The following ACADS variants were observed in gnomAD, a reference collection of about 807,000 sequenced individuals.
ACADS encodes short-chain specific acyl-CoA dehydrogenase, mitochondrial.
In ACADS, 28 loss-of-function variants were observed where a neutral mutation model predicts 46.8. The observed-to-expected ratio is 0.60, with a 90% CI of 0.44 to 0.82. ACADS has a LOEUF of 0.82. Among genes scored for constraint, ACADS ranks in the 40% least tolerant of loss-of-function variants. ACADS has a pLI of 0.00. For missense variants in ACADS, 528 were observed against 578.0 expected (o/e 0.91, Z 0.89); for synonymous variants, 236 against 237.7 (o/e 0.99, Z 0.07).
chr12:120,730,168 A>G (rs555945457), intron 2 of ACADS, among the ~76,000 whole-genome samples: 1 of 152,060 alleles, frequency 6.6e-6, no homozygotes, highest in Non-Finnish European at 1.5e-5. Context: ...TTTTTAGTAG[A>G]GACGGGGTTT....
chr12:120,738,406 G>C lies in ACADS; in HGVS notation c.751G>C (p.Asp251His), dbSNP rs763585205. The C allele has an allele frequency of 6.2e-7, 1 of 1,613,318 alleles. No individual in the cohort carries two copies. The highest frequency in any genetic ancestry group is 8.5e-7 in the Non-Finnish European group (1 of 1,180,036). The change falls in exon 6 of 10, where the codon GAC becomes CAC. Residue 251 changes from aspartate (D) to histidine (H), a missense_variant. By Grantham distance (81) the Asp-to-His change is moderately conservative. Transcript: ENST00000242592. ...LIFEDCRIPK[D>H]SILGEPGMGF... ...CTTTGAGGACTGTCGCATCCCCAAG[G>C]ACAGCATCCTGGGGGAGCCAGGGAT...
Position 120,738,928 on chromosome 12 carries a change from G to A in ACADS, c.1029+13G>A. ...GCCTTTCATCAAGGTGCCCACAGGGGTCCCCGAGCCATGGCCCAGAATGTG... is the reference window on the plus strand; with the variant it reads ...GCCTTTCATCAAGGTGCCCACAGGGATCCCCGAGCCATGGCCCAGAATGTG... On this transcript the variant is annotated intron_variant, in intron 8 of 9. Coordinates refer to ENST00000242592, the MANE Select transcript of ACADS (RefSeq NM_000017.4). The A allele has an allele frequency of 6.2e-7, 1 of 1,613,188 alleles. No homozygotes were observed. Among genetic ancestry groups the A allele is most frequent in the Non-Finnish European group, 8.5e-7 (1 of 1,179,928 alleles).
intron 2 of ACADS, among the ~76,000 whole-genome samples, chr12:120,732,116 T>G (rs1270930402): frequency 1.3e-5 from 2 of 152,244 alleles, no homozygotes; most frequent in Non-Finnish European, 2.9e-5. Context: ...AAAACTGCCA[T>G]CGTCATCATG....
rs1883464095 is a variant in ACADS at position 120,737,017 on chromosome 12, C to T, written c.242C>T (p.Ala81Val). 6.2e-6 allele frequency: 10 copies of T among 1,610,420 alleles called. No homozygotes were observed. The highest frequency in any genetic ancestry group is 1.3e-5 in the African/African-American group (1 of 74,906). ...VKKMGGLGLL[A>V]MDVPEELGGA... is the part of the protein sequence containing the mutation. ...AAGATGGGCGGGCTTGGGCTTCTGG[C>T]CATGGACGTGCCCGAGGAGCTTGGC... Residue 81 changes from alanine (A) to valine (V), a missense_variant, in exon 3 of 10, where the codon GCC (alanine) becomes GTC (valine). Transcript: ENST00000242592.
At chr12:120,734,552 C>T (rs1883365265) in intron 2 of ACADS, among the ~76,000 whole-genome samples, 2 of 152,140 alleles carry the variant, frequency 1.3e-5, no homozygotes, top group South Asian at 4.1e-4. Flanking sequence ...CAGAGGGACA[C>T]ACAGGTTGTC....
At position 120,739,530 on chromosome 12, in the gene ACADS, G is replaced by A. The variant is rs1883592055; in HGVS notation, c.*82G>A. The A allele has an allele frequency of 3.3e-6, 5 of 1,527,406 alleles. No individual in the cohort carries two copies. The highest frequency in any genetic ancestry group is 3.8e-5 in the Admixed American group (2 of 52,142). 94.6% of individuals were successfully genotyped at this position (1,527,406 alleles called of 1,614,324 possible). A position where few individuals can be genotyped will look rare whatever the true frequency, so the allele number is the denominator to read the frequency against. Reference sequence around the variant, plus strand: ...CCCAACCCCGGCTCAGAGACTGGGCGGCCCGGCGGGGGCTCCCTGGGGACC... The same window carrying A: ...CCCAACCCCGGCTCAGAGACTGGGCAGCCCGGCGGGGGCTCCCTGGGGACC... On this transcript the variant is annotated 3_prime_UTR_variant, in exon 10 of 10. Transcript: ENST00000242592.
intron 7 of ACADS, 40 bp from the exon 8 acceptor site, chr12:120,738,780 G>T: frequency 6.2e-7 from 1 of 1,613,002 alleles, no homozygotes; most frequent in Non-Finnish European, 8.5e-7. Context: ...CCCCTGGAGG[G>T]GCAGCTGCTG....
intron 2 of ACADS, among the ~76,000 whole-genome samples, chr12:120,729,580 CT>C (rs1592934725): frequency 6.6e-6 from 1 of 152,110 alleles, no homozygotes; most frequent in Admixed American, 6.6e-5. Flanking sequence ...TCCTTTTTGA[CT>C]GTCTCGTCTC....
rs1411971032 is a variant in ACADS, at chr12:120,738,403, A to G, written c.748A>G (p.Lys250Glu). The G allele has an allele frequency of 1.2e-6, 2 of 1,613,442 alleles. No homozygotes were observed. The highest frequency in any genetic ancestry group is 1.7e-6 in the Non-Finnish European group (2 of 1,180,016). Residue 250 changes from lysine (K) to glutamate (E), a missense_variant, in exon 6 of 10, where the codon AAG becomes GAG. By Grantham distance (56) the Lys-to-Glu change is moderately conservative (BLOSUM62 1). Coordinates refer to ENST00000242592, the MANE Select transcript of ACADS (RefSeq NM_000017.4). ...NLIFEDCRIPKDSILGEPGMG... is the reference protein window; with the variant it reads ...NLIFEDCRIPEDSILGEPGMG... Reference sequence around the variant, plus strand: ...CATCTTTGAGGACTGTCGCATCCCCAAGGACAGCATCCTGGGGGAGCCAGG... The same window carrying G: ...CATCTTTGAGGACTGTCGCATCCCCGAGGACAGCATCCTGGGGGAGCCAGG...
In ACADS at chr12:120,739,592, C is replaced by A; in HGVS notation, c.*144C>A. On this transcript the variant is annotated 3_prime_UTR_variant, in exon 10 of 10. Coordinates refer to ENST00000242592, the MANE Select transcript of ACADS (RefSeq NM_000017.4). ...CAGTGCTGCCACCCAGATCAGATCA[C>A]ATGGGAATGAGGCCCTCCGACCATT... The A allele has an allele frequency of 2.1e-6, 2 of 940,206 alleles. No individual in the cohort carries two copies. Among genetic ancestry groups the A allele is most frequent in the Non-Finnish European group, 3.1e-6 (2 of 635,514 alleles). 58.2% of individuals were successfully genotyped at this position (940,206 alleles called of 1,614,324 possible).
intron 2 of ACADS, among the ~76,000 whole-genome samples, chr12:120,732,165 G>T (rs1003438442): frequency 1.3e-5 from 2 of 152,224 alleles, no homozygotes; most frequent in African/African-American, 4.8e-5. Context: ...CCTCCCAGAC[G>T]GGGTGGTGGC....
intron 2 of ACADS, among the ~76,000 whole-genome samples, chr12:120,733,148 T>G (rs934859022): frequency 6.6e-6 from 1 of 151,596 alleles, no homozygotes; most frequent in Non-Finnish European, 1.5e-5. Flanking sequence ...GGCAGGGAGG[T>G]TGCAGTGAGC....
chr12:120,738,891 G>A lies in ACADS; in HGVS notation c.1005G>A (p.Lys335=). Residue 335 remains lysine, a synonymous_variant, in exon 8 of 10, where the codon AAG becomes AAA. Transcript: ENST00000242592. The part of the protein sequence containing the change: ...RLLTWRAAML[K]DNKKPFIKEA... ...TGACCTGGCGCGCTGCCATGCTGAA[G>A]GATAACAAGAAGCCTTTCATCAAGG... The A allele has an allele frequency of 2.5e-6, 4 of 1,613,802 alleles. No homozygotes were observed. The highest frequency in any genetic ancestry group is 3.4e-6 in the Non-Finnish European group (4 of 1,180,030).
chr12:120,737,469 T>A lies in ACADS; in HGVS notation c.472+2T>A, dbSNP rs1592939822. 1 of 1,612,260 alleles carries A rather than the reference T, an allele frequency of 6.2e-7. No homozygotes were observed. The highest frequency in any genetic ancestry group is 8.5e-7 in the Non-Finnish European group (1 of 1,178,568). On this transcript the variant is annotated splice_donor_variant, in intron 4 of 9. Transcript: ENST00000242592. LOFTEE classifies it high-confidence loss of function. The stretch of plus-strand genomic sequence containing the variant: ...GCTGCTTTGCCCTCAGCGAACCAGG[T>A]ACCTGCCCTGTCCCCTCACCTGTCC...
In ACADS at chr12:120,725,881, C is replaced by A. The variant is rs1043195755; in HGVS notation, c.-5C>A. 8 of 1,550,386 alleles carry A rather than the reference C, an allele frequency of 5.2e-6. No individual in the cohort carries two copies. The African/African-American group carries it at 1.1e-4, about 21-fold the overall frequency. Reference sequence around the variant, plus strand: ...TCGCGAAGCCTGGGACTGTGTCTGTCGCCCATGGCCGCCGCGCTGCTCGCC... The same window carrying A: ...TCGCGAAGCCTGGGACTGTGTCTGTAGCCCATGGCCGCCGCGCTGCTCGCC... On this transcript the variant is annotated 5_prime_UTR_variant, in exon 1 of 10. Coordinates refer to ENST00000242592, the MANE Select transcript of ACADS (RefSeq NM_000017.4).
Position 120,738,408 on chromosome 12 carries a change from CA to C in ACADS, c.754del (p.Ser252AlafsTer12). 6.2e-7 allele frequency: 1 copy of C among 1,613,432 alleles called. No homozygotes were observed. The highest frequency in any genetic ancestry group is 2.2e-5 in the East Asian group (1 of 44,884). On this transcript the variant is annotated frameshift_variant, in exon 6 of 10. Coordinates refer to ENST00000242592, the MANE Select transcript of ACADS (RefSeq NM_000017.4). LOFTEE classifies it high-confidence loss of function. ...IFEDCRIPKDSILGEPGMGFK... is the reference protein window; with the variant it reads ...IFEDCRIPKDXILGEPGMGFK... ...TTGAGGACTGTCGCATCCCCAAGGA[CA>C]GCATCCTGGGGGAGCCAGGGATGGG... is the stretch of plus-strand genomic sequence containing the variant.
chr12:120,727,464 T>G (rs1421380568), intron 2 of ACADS, among the ~76,000 whole-genome samples: 2 of 152,242 alleles, frequency 1.3e-5, no homozygotes, highest in Non-Finnish European at 2.9e-5. Flanking sequence ...GTGTTTGGCA[T>G]GCACTAGGCA....
At chr12:120,736,932 G>A (rs1883459739) in intron 2 of ACADS, 54 bp from the exon 3 acceptor site, 2 of 1,530,788 alleles carry the variant, frequency 1.3e-6, no homozygotes, top group South Asian at 1.2e-5. Context: ...GCTTGGGGAG[G>A]GTGGGCTCGC....
In ACADS at chr12:120,739,764, G is replaced by A. The variant is rs539430171; in HGVS notation, c.*316G>A. 3 of 417,550 alleles carry A rather than the reference G, an allele frequency of 7.2e-6. No individual in the cohort carries two copies. Among genetic ancestry groups the A allele is most frequent in the East Asian group, 4.6e-5 (1 of 21,606 alleles). 25.9% of individuals were successfully genotyped at this position (417,550 alleles called of 1,614,324 possible). A position where few individuals can be genotyped will look rare whatever the true frequency, so the allele number is the denominator to read the frequency against. On this transcript the variant is annotated 3_prime_UTR_variant, in exon 10 of 10. Transcript: ENST00000242592. ...CAGTTGTCCTCCCGCGGGCCCTGGT[G>A]CCCTGGCATGAAGGCCCAGTGCGAC...
Sources: gnomAD v4.1 joint callset for allele counts (sites outside exome capture counted in the v4.1 genomes callset) on GRCh38, gnomAD v4.1.1 for gene constraint, MANE v1.5 for transcripts, NCBI Gene and HGNC (gene_info 2026-07-23, HGNC 2026-07-21) for gene names.